The following CLDN16 variants were observed in gnomAD, a reference collection of about 807,000 sequenced individuals.
The protein encoded by CLDN16 is claudin 16, also known as claudin-16.
Under a neutral mutation model 24.6 loss-of-function variants are expected in CLDN16, and 13 were observed. That is an observed-to-expected ratio of 0.53 (90% CI 0.34 to 0.84). CLDN16 has a LOEUF of 0.84. Ranked by LOEUF, CLDN16 falls within the 40% of genes least tolerant of loss-of-function variation. The pLI, the probability that CLDN16 is intolerant of heterozygous loss-of-function variation, is 0.01. For synonymous variants in CLDN16, 116 were observed against 106.7 expected (o/e 1.09, Z -0.54); for missense variants, 298 against 292.7 (o/e 1.02, Z -0.13).
chr3:190,377,506 A>C (rs1287300529), intron 3 of CLDN16, among the ~76,000 whole-genome samples: 1 of 151,976 alleles, frequency 6.6e-6, no homozygotes, highest in Non-Finnish European at 1.5e-5. Flanking sequence ...GGTAAAACAA[A>C]ACAAAACAAA....
rs61217353 is a variant in CLDN16 at position 190,330,047 on chromosome 3, A to C, written n.121+7386A>C. Among the ~76,000 whole-genome samples the C allele has an allele frequency of 1.4e-4, 20 of 142,754 alleles. 1 individual carries two copies. Among genetic ancestry groups the C allele is most frequent in the African/African-American group, 4.6e-4 (19 of 40,922 alleles). 93.7% of individuals were successfully genotyped at this position (142,754 alleles called of 152,430 possible). ...GAAATATCTCAACCGTCCCCCCTCC[A>C]CCAGCATCACTTAATCATATACATG... is the stretch of plus-strand genomic sequence containing the variant. On this transcript the variant is annotated intron_variant and non_coding_transcript_variant, in intron 1 of 4. Coordinates refer to the CLDN16 transcript ENST00000468220.
chr3:190,370,276 A>T (rs1477163120), intron 1 of CLDN16, among the ~76,000 whole-genome samples: 14 of 152,012 alleles, frequency 9.2e-5, no homozygotes, highest in Admixed American at 9.2e-4. Context: ...ATTTCCATAT[A>T]ATCCTGAAAG....
intron 1 of CLDN16, among the ~76,000 whole-genome samples, chr3:190,333,530 TCATC>T (rs1316243956): frequency 3.8e-5 from 5 of 132,738 alleles, no homozygotes; most frequent in African/African-American, 1.4e-4. Flanking sequence ...TATCAGTCTA[TCATC>T]TATCTATCTA....
chr3:190,295,893 G>A, the CLDN16 span, among the ~76,000 whole-genome samples: 2 of 152,272 alleles, frequency 1.3e-5, no homozygotes, highest in East Asian at 1.9e-4. Flanking sequence ...CTTGATTTAT[G>A]TAATCAGGCA....
the CLDN16 span, chr3:190,308,108 T>C: frequency 1.2e-5 from 9 of 745,496 alleles, no homozygotes; most frequent in Non-Finnish European, 2.0e-5. Flanking sequence ...GATTAAGCCA[T>C]GTTTAGCACT....
the CLDN16 span, chr3:190,312,780 C>A: frequency 6.9e-7 from 1 of 1,453,844 alleles, no homozygotes. Context: ...GCCTTAGAGA[C>A]TGAAATCAAG....
chr3:190,402,424 C>CTT lies in CLDN16; in HGVS notation c.203_204dup (p.Ala69LeufsTer6). 1 of 1,613,204 alleles carries CTT rather than the reference C, an allele frequency of 6.2e-7. No individual in the cohort carries two copies. Among genetic ancestry groups the CTT allele is most frequent in the Non-Finnish European group, 8.5e-7 (1 of 1,179,278 alleles). On this transcript the variant is annotated frameshift_variant, in exon 2 of 5. Coordinates refer to ENST00000264734, the MANE Select transcript of CLDN16 (RefSeq NM_006580.4). LOFTEE classifies it high-confidence loss of function. Reference sequence around the variant, plus strand: ...CACCTGTGATGAGTACGATTCCATACTTGCGGAGCATCCCTGTACGTATGC... The same window carrying CTT: ...CACCTGTGATGAGTACGATTCCATACTTTTGCGGAGCATCCCTGTACGTATGC...
At chr3:190,393,685 C>T (rs1324787325) in intron 1 of CLDN16, among the ~76,000 whole-genome samples, 4 of 150,432 alleles carry the variant, frequency 2.7e-5, no homozygotes, top group East Asian at 1.9e-4. Flanking sequence ...AAATTCTATT[C>T]CTATTTTTGG....
At chr3:190,388,635 T>G (rs1447929357) in intron 1 of CLDN16, among the ~76,000 whole-genome samples, 192 bp downstream of exon 1, 1 of 152,212 alleles carries the variant, frequency 6.6e-6, no homozygotes, top group African/African-American at 2.4e-5. Flanking sequence ...GTAGGTCTTG[T>G]TATCCCATTA....
At chr3:190,291,526 C>T in the CLDN16 span, among the ~76,000 whole-genome samples, 1 of 152,044 alleles carries the variant, frequency 6.6e-6, no homozygotes, top group African/African-American at 2.4e-5. Flanking sequence ...CCTCCATGAT[C>T]CAGTCACCTC....
At chr3:190,318,822 T>G (rs1241637309), upstream of CLDN16, among the ~76,000 whole-genome samples, 1 of 152,182 alleles carries the variant, frequency 6.6e-6, no homozygotes, top group African/African-American at 2.4e-5. Context: ...CGTCAGTGAT[T>G]TTGTCTCTCT....
the CLDN16 span, among the ~76,000 whole-genome samples, chr3:190,304,939 G>C: frequency 6.6e-6 from 1 of 152,148 alleles, no homozygotes; most frequent in African/African-American, 2.4e-5. Context: ...ATATCTACTT[G>C]GTATGATTCA....
intron 1 of CLDN16, among the ~76,000 whole-genome samples, chr3:190,330,039 C>T (rs1577397115): frequency 6.6e-6 from 1 of 150,712 alleles, no homozygotes. Flanking sequence ...CTCAACCGTC[C>T]CCCCTCCACC....
intron 3 of CLDN16, among the ~76,000 whole-genome samples, chr3:190,381,338 G>A (rs1273403340): frequency 1.3e-5 from 2 of 152,066 alleles, no homozygotes; most frequent in African/African-American, 4.8e-5. Context: ...TCTGTTGCTT[G>A]ATCACTGTTA....
At chr3:190,379,650 A>G (rs1345301513) in intron 3 of CLDN16, among the ~76,000 whole-genome samples, 1 of 152,090 alleles carries the variant, frequency 6.6e-6, no homozygotes, top group African/African-American at 2.4e-5. Context: ...ATTGCTGTGC[A>G]TGTACAAGCA....
chr3:190,345,269 C>T (rs1224598735), intron 1 of CLDN16, among the ~76,000 whole-genome samples: 1 of 152,100 alleles, frequency 6.6e-6, no homozygotes, highest in African/African-American at 2.4e-5. Context: ...AGGTCTTTCA[C>T]AACCTCTTTG....
At chr3:190,303,657 A>G in the CLDN16 span, among the ~76,000 whole-genome samples, 1 of 152,248 alleles carries the variant, frequency 6.6e-6, no homozygotes. Context: ...ATTGCACATT[A>G]AAGAGAATAA....
chr3:190,308,385 A>G, the CLDN16 span: 1 of 1,613,836 alleles, frequency 6.2e-7, no homozygotes. Context: ...CACCTCCCAG[A>G]AGGCAGAGAG....
intron 3 of CLDN16, among the ~76,000 whole-genome samples, chr3:190,382,164 T>C (rs1167432549): frequency 1.3e-5 from 2 of 152,132 alleles, no homozygotes; most frequent in East Asian, 3.9e-4. Context: ...AATGACTTCA[T>C]GAGTTGCCTA....
Sources: allele counts gnomAD v4.1 joint callset (sites outside exome capture counted in the v4.1 genomes callset), GRCh38; gene constraint gnomAD v4.1.1; transcripts MANE v1.5; gene names NCBI Gene and HGNC (gene_info 2026-07-23, HGNC 2026-07-21).